DMD: variants seen among roughly 807,000 people sequenced by gnomAD.
DMD encodes dystrophin.
A neutral mutation model predicts 330.1 loss-of-function variants in DMD; 63 were observed. The observed-to-expected ratio is 0.19, with a 90% confidence interval of 0.16 to 0.24. The LOEUF (loss-of-function observed/expected upper bound fraction) is 0.24, where lower values mean the gene tolerates loss of function less well. Ranked by LOEUF, DMD falls within the 10% of genes least tolerant of loss-of-function variation. The probability of loss-of-function intolerance (pLI) is 1.00; values close to 1 mark genes in which losing one functional copy is unlikely to be tolerated. For missense variants in DMD, 3,344 were observed against 2,684.1 expected, an observed-to-expected ratio of 1.25 and a Z score of -5.43; for synonymous variants, 1,223 against 959.8, an observed-to-expected ratio of 1.27 and a Z score of -5.07.
At chrX:32,851,528 G>T (rs762537506) in intron 2 of DMD, among the ~76,000 whole-genome samples, 11 of 112,220 alleles carry the variant, frequency 9.8e-5, no homozygotes, top group Non-Finnish European at 2.1e-4. Flanking sequence ...TCCCGCTACC[G>T]CTGCTATAGA....
At chrX:31,256,774 C>T (rs2050003952) in intron 63 of DMD, among the ~76,000 whole-genome samples, 1 of 103,354 alleles carries the variant, frequency 9.7e-6, no homozygotes, top group African/African-American at 3.8e-5. Context: ...GTGTGTGTGG[C>T]TACTGCTGCT....
intron 1 of DMD, among the ~76,000 whole-genome samples, chrX:33,028,739 A>C (rs1204161711): frequency 9.5e-6 from 1 of 105,140 alleles, no homozygotes; most frequent in Non-Finnish European, 1.9e-5. Flanking sequence ...GCTTTTTTCT[A>C]ATTATGCATA....
rs150237817 is a variant in DMD at position 32,314,642 on chromosome X, T to C, written c.5923-4366A>G. Among the ~76,000 whole-genome samples, 342 of 111,006 alleles carry C rather than the reference T, an allele frequency of 3.1e-3. 2 individuals carry two copies. The highest frequency in any genetic ancestry group is 0.011 in the African/African-American group (321 of 30,494). ...AGAGAAAACTTTTGCAATCTATCCA[T>C]CTGACAAAGGGCTATTATCCAGAAT... On this transcript the variant is annotated intron_variant, in intron 41 of 78. Coordinates refer to ENST00000357033, the MANE Select transcript of DMD (RefSeq NM_004006.3).
chrX:32,493,773 A>C (rs995143109), intron 19 of DMD, among the ~76,000 whole-genome samples: 4 of 112,100 alleles, frequency 3.6e-5, no homozygotes, highest in Non-Finnish European at 7.5e-5. Flanking sequence ...TATGTTAATA[A>C]CAAAAAATGT....
intron 20 of DMD, among the ~76,000 whole-genome samples, chrX:32,486,141 T>C (rs139018220): frequency 0.07 from 7,734 of 110,640 alleles, 340 homozygotes; most frequent in East Asian, 0.15. Context: ...GTACCCTGGT[T>C]TGTATGATAA....
intron 1 of DMD, among the ~76,000 whole-genome samples, chrX:33,305,739 T>TA (rs1487864271): frequency 1.8e-5 from 2 of 111,297 alleles, no homozygotes; most frequent in Non-Finnish European, 3.8e-5. Context: ...TTCTATGTTA[T>TA]AAAAAACCTT....
At chrX:31,202,942 A>G (rs929152956) in intron 67 of DMD, among the ~76,000 whole-genome samples, 1 of 112,367 alleles carries the variant, frequency 8.9e-6, no homozygotes, top group African/African-American at 3.2e-5. Flanking sequence ...AGCTTCAAAG[A>G]CAAAAGCTAA....
chrX:31,373,773 G>A (rs2059729801), intron 60 of DMD, among the ~76,000 whole-genome samples: 1 of 110,630 alleles, frequency 9.0e-6, no homozygotes. Flanking sequence ...AGGACTTCAT[G>A]TCTACAACAC....
chrX:33,094,838 G>T (rs1278299758), intron 1 of DMD, among the ~76,000 whole-genome samples: 2 of 109,269 alleles, frequency 1.8e-5, no homozygotes, highest in African/African-American at 6.6e-5. Context: ...AAAAGAAAGA[G>T]CAAGAAATTT....
At chrX:32,903,165 A>AAAG (rs2086442293) in intron 2 of DMD, among the ~76,000 whole-genome samples, 1 of 99,559 alleles carries the variant, frequency 1.0e-5, no homozygotes, top group African/African-American at 3.6e-5. Context: ...AAAAAAAAAA[A>AAAG]GAAACTAAAA....
At chrX:32,111,254 A>G (rs763171052) in intron 44 of DMD, among the ~76,000 whole-genome samples, 1 of 112,217 alleles carries the variant, frequency 8.9e-6, no homozygotes, top group Non-Finnish European at 1.9e-5. Flanking sequence ...TTTTATTGCC[A>G]TCTGGGCAGA....
At chrX:31,824,041 G>T (rs763112722) in intron 49 of DMD, among the ~76,000 whole-genome samples, 10 of 112,056 alleles carry the variant, frequency 8.9e-5, no homozygotes, top group Admixed American at 8.5e-4. Flanking sequence ...ACTGCCAACA[G>T]AAAGGTGGGC....
At chrX:31,161,141 G>GTTA (rs755913326) in intron 74 of DMD, among the ~76,000 whole-genome samples, 2 of 111,065 alleles carry the variant, frequency 1.8e-5, no homozygotes, top group East Asian at 5.6e-4. Flanking sequence ...AGCTATTTTT[G>GTTA]TTATTATTAT....
At chrX:32,351,529 G>T (rs532627102) in intron 37 of DMD, among the ~76,000 whole-genome samples, 4 of 108,275 alleles carry the variant, frequency 3.7e-5, no homozygotes, top group South Asian at 8.0e-4. Flanking sequence ...AGACAGAAAA[G>T]GCATACCACA....
intron 12 of DMD, among the ~76,000 whole-genome samples, chrX:32,604,359 G>T: frequency 9.1e-6 from 1 of 110,116 alleles, no homozygotes. Flanking sequence ...CTCTCCCCAA[G>T]ATAAAGACCC....
intron 43 of DMD, among the ~76,000 whole-genome samples, chrX:32,284,317 G>C (rs1293263079): frequency 9.0e-6 from 1 of 111,666 alleles, no homozygotes; most frequent in Admixed American, 9.5e-5. Context: ...CAGGGATCTT[G>C]TTCTTGCCCT....
At chrX:32,683,818 T>C (rs1026319288) in intron 9 of DMD, among the ~76,000 whole-genome samples, 2 of 107,307 alleles carry the variant, frequency 1.9e-5, no homozygotes, top group Non-Finnish European at 3.9e-5. Context: ...AAGGAGTGAA[T>C]GTAACCATTC....
intron 44 of DMD, among the ~76,000 whole-genome samples, chrX:32,041,246 T>A (rs1311774128): frequency 8.9e-6 from 1 of 112,234 alleles, no homozygotes; most frequent in East Asian, 2.8e-4. Flanking sequence ...ACATATGTTC[T>A]ATTGAACATC....
rs1746187392 is a variant in DMD, at chrX:31,202,021, T to C, written c.9807+1940A>G. On this transcript the variant is annotated intron_variant, in intron 67 of 78. Transcript: ENST00000357033. ...CAGCCTGGCCAACATGGTGAAACCC[T>C]GTCTCCACAAAAAATTAGCCAGGCA... 3.6e-5 allele frequency among the ~76,000 whole-genome samples: 4 copies of C among 110,678 alleles called. No homozygotes were observed. The South Asian group carries it at 1.6e-3, about 43-fold the overall frequency.
Sources: allele counts gnomAD v4.1 joint callset (sites outside exome capture counted in the v4.1 genomes callset), GRCh38; gene constraint gnomAD v4.1.1; transcripts MANE v1.5; gene names NCBI Gene and HGNC (gene_info 2026-07-23, HGNC 2026-07-21).